The following AGMO variants were observed in gnomAD, a reference collection of about 807,000 sequenced individuals.
AGMO encodes glyceryl-ether monooxygenase.
Under a neutral mutation model 60.2 loss-of-function variants are expected in AGMO, and 75 were observed. That is an observed-to-expected ratio of 1.25 (90% CI 1.03 to 1.51). The LOEUF (loss-of-function observed/expected upper bound fraction) is 1.51. AGMO is among the 40% of genes most tolerant of loss of function. The pLI, the probability that AGMO is intolerant of heterozygous loss-of-function variation, is 0.00. For missense variants in AGMO, 763 were observed against 525.5 expected (o/e 1.45, Z -4.42); for synonymous variants, 261 against 177.1 (o/e 1.47, Z -3.76).
At chr7:15,504,859 A>G (rs553241973) in intron 3 of AGMO, among the ~76,000 whole-genome samples, 1 of 152,078 alleles carries the variant, frequency 6.6e-6, no homozygotes, top group East Asian at 1.9e-4. Flanking sequence ...TGAAGACTCA[A>G]ATCATTTCTC....
chr7:15,448,604 A>G (rs2128504616), intron 3 of AGMO, among the ~76,000 whole-genome samples: 1 of 125,474 alleles, frequency 8.0e-6, no homozygotes, highest in South Asian at 2.5e-4. Context: ...TTTCTCCATA[A>G]AGTTTAATTT....
intron 3 of AGMO, among the ~76,000 whole-genome samples, chr7:15,534,861 AT>A (rs1784451690): frequency 6.6e-6 from 1 of 151,808 alleles, no homozygotes; most frequent in South Asian, 2.1e-4. Flanking sequence ...CTACCAATGT[AT>A]TTTAATATTA....
At position 15,320,086 on chromosome 7, in the gene AGMO, G is replaced by A. The variant is rs1036460315; in HGVS notation, c.1263+45428C>T. On this transcript the variant is annotated intron_variant, in intron 12 of 12. Coordinates refer to ENST00000342526, the MANE Select transcript of AGMO (RefSeq NM_001004320.2). ...AATGAGAACACTTGGACACAGGAAGGGGAACATCACACACTTGGGCCTGTT... is the reference window on the plus strand; with the variant it reads ...AATGAGAACACTTGGACACAGGAAGAGGAACATCACACACTTGGGCCTGTT... 2.0e-5 allele frequency among the ~76,000 whole-genome samples: 3 copies of A among 146,380 alleles called. No homozygotes were observed. The Admixed American group carries it at 2.1e-4, about 10-fold the overall frequency.
chr7:15,263,285 C>T (rs1314488870), intron 12 of AGMO, among the ~76,000 whole-genome samples: 1 of 151,888 alleles, frequency 6.6e-6, no homozygotes, highest in Non-Finnish European at 1.5e-5. Context: ...AGACAATTCT[C>T]TCAAGAAGAT....
chr7:15,223,723 T>A lies in AGMO; in HGVS notation c.1264-22364A>T, dbSNP rs544135384. ...GACAATGCATAGTCTCTGAAGTACATAATTTTTCCTATATCTTTATTAATA... is the reference window on the plus strand; with the variant it reads ...GACAATGCATAGTCTCTGAAGTACAAAATTTTTCCTATATCTTTATTAATA... On this transcript the variant is annotated intron_variant, in intron 12 of 12. Coordinates refer to ENST00000342526, the MANE Select transcript of AGMO (RefSeq NM_001004320.2). Among the ~76,000 whole-genome samples, 338 of 152,122 alleles carry A rather than the reference T, an allele frequency of 2.2e-3. 1 individual carries two copies. The highest frequency in any genetic ancestry group is 7.7e-3 in the African/African-American group (320 of 41,562).
intron 3 of AGMO, among the ~76,000 whole-genome samples, chr7:15,453,173 T>C (rs983859143): frequency 3.3e-5 from 5 of 152,130 alleles, no homozygotes; most frequent in Non-Finnish European, 7.4e-5. Flanking sequence ...CCTGTGAATA[T>C]GCCAAAAGCC....
At chr7:15,256,320 G>C (rs901388855) in intron 12 of AGMO, among the ~76,000 whole-genome samples, 3 of 152,114 alleles carry the variant, frequency 2.0e-5, no homozygotes, top group African/African-American at 7.2e-5. Flanking sequence ...CCAATAAATT[G>C]TAACAGAGCT....
At chr7:15,303,073 T>G (rs1780498802) in intron 12 of AGMO, among the ~76,000 whole-genome samples, 1 of 152,068 alleles carries the variant, frequency 6.6e-6, no homozygotes, top group Non-Finnish European at 1.5e-5. Context: ...AGAACAGAAT[T>G]AATTGTATTC....
At chr7:15,325,277 A>G (rs74379065) in intron 12 of AGMO, among the ~76,000 whole-genome samples, 4,913 of 152,226 alleles carry the variant, frequency 0.032, 96 homozygotes, top group Middle Eastern at 0.058. Context: ...AGGCTAATAA[A>G]TAGTATTCAC....
intron 10 of AGMO, among the ~76,000 whole-genome samples, chr7:15,368,944 C>T (rs907555284): frequency 1.3e-5 from 2 of 152,084 alleles, no homozygotes; most frequent in African/African-American, 4.8e-5. Flanking sequence ...GCAACTGAAA[C>T]TTGGCATGAC....
In AGMO at chr7:15,291,139, A is replaced by G. The variant is rs1784252482; in HGVS notation, c.1263+74375T>C. 2.0e-5 allele frequency among the ~76,000 whole-genome samples: 3 copies of G among 152,186 alleles called. No homozygotes were observed. In the South Asian group the frequency reaches 6.2e-4, roughly 31 times the overall value. ...ATTTACAATTTCCCTTAAGGTCCTT[A>G]GATGGTGCACATTACGTTTCTTATG... On this transcript the variant is annotated intron_variant, in intron 12 of 12. Coordinates refer to ENST00000342526, the MANE Select transcript of AGMO (RefSeq NM_001004320.2).
intron 12 of AGMO, among the ~76,000 whole-genome samples, chr7:15,355,854 A>G (rs1280929390): frequency 6.6e-6 from 1 of 152,202 alleles, no homozygotes; most frequent in African/African-American, 2.4e-5. Flanking sequence ...CAATAAACAT[A>G]AATGACAAAG....
chr7:15,460,602 G>T (rs992799888), intron 3 of AGMO, among the ~76,000 whole-genome samples: 2 of 151,846 alleles, frequency 1.3e-5, no homozygotes, highest in Non-Finnish European at 2.9e-5. Flanking sequence ...ATTTTAATAA[G>T]ATATTAATGA....
At chr7:15,295,374 T>C (rs1163847971) in intron 12 of AGMO, among the ~76,000 whole-genome samples, 3 of 152,026 alleles carry the variant, frequency 2.0e-5, no homozygotes, top group African/African-American at 4.8e-5. Context: ...GGGCAGCAGA[T>C]AGACAATAAG....
chr7:15,176,969 C>A, the AGMO span, among the ~76,000 whole-genome samples: 1 of 151,982 alleles, frequency 6.6e-6, no homozygotes, highest in Non-Finnish European at 1.5e-5. Context: ...ATGACCAAGA[C>A]ATGTCATTTA....
rs185677184 is a variant in AGMO at position 15,297,574 on chromosome 7, C to G, written c.1263+67940G>C. Among the ~76,000 whole-genome samples the G allele has an allele frequency of 2.9e-3, 439 of 151,952 alleles. 2 individuals carry two copies. The highest frequency in any genetic ancestry group is 6.9e-3 in the Admixed American group (106 of 15,268). ...GAAAAGTTAGTGTTGCATTTGGCCACGAAGTTGAGAATAAGATACAGAAAT... is the reference window on the plus strand; with the variant it reads ...GAAAAGTTAGTGTTGCATTTGGCCAGGAAGTTGAGAATAAGATACAGAAAT... On this transcript the variant is annotated intron_variant, in intron 12 of 12. Coordinates refer to ENST00000342526, the MANE Select transcript of AGMO (RefSeq NM_001004320.2).
intron 12 of AGMO, among the ~76,000 whole-genome samples, chr7:15,223,764 T>C (rs1324424024): frequency 6.6e-6 from 1 of 151,764 alleles, no homozygotes; most frequent in Non-Finnish European, 1.5e-5. Flanking sequence ...CCCATCCATT[T>C]AAAATTTATT....
At position 15,269,227 on chromosome 7, in the gene AGMO, T is replaced by C. The variant is rs1361415606; in HGVS notation, c.1264-67868A>G. Among the ~76,000 whole-genome samples the C allele has an allele frequency of 2.6e-5, 4 of 152,066 alleles. No homozygotes were observed. The East Asian group carries it at 7.7e-4, about 29-fold the overall frequency. On this transcript the variant is annotated intron_variant, in intron 12 of 12. Coordinates refer to ENST00000342526, the MANE Select transcript of AGMO (RefSeq NM_001004320.2). Reference sequence around the variant, plus strand: ...TGTGCTGACTCCTGATTTAGCAGCTTGTGTGTGCAAGTGAAGGTGGAAGAT... The same window carrying C: ...TGTGCTGACTCCTGATTTAGCAGCTCGTGTGTGCAAGTGAAGGTGGAAGAT...
At chr7:15,404,597 C>T (rs1446944098) in intron 5 of AGMO, among the ~76,000 whole-genome samples, 1 of 151,694 alleles carries the variant, frequency 6.6e-6, no homozygotes. Flanking sequence ...TGGAATCATG[C>T]TAGTATGAGT....
Sources: allele counts gnomAD v4.1 joint callset (sites outside exome capture counted in the v4.1 genomes callset), GRCh38; gene constraint gnomAD v4.1.1; transcripts MANE v1.5; gene names NCBI Gene and HGNC (gene_info 2026-07-23, HGNC 2026-07-21).